Variants in DSN1 observed in about 807,000 individuals in gnomAD.
DSN1 encodes the protein DSN1 component of MIS12 kinetochore complex.
Under a neutral mutation model 45.7 loss-of-function variants are expected in DSN1, and 31 were observed. The observed-to-expected ratio is 0.68, with a 90% CI of 0.51 to 0.92. The LOEUF (loss-of-function observed/expected upper bound fraction) is 0.92. Among genes scored for constraint, DSN1 ranks in the 40% least tolerant of loss-of-function variants. DSN1 has a pLI of 0.00. For missense variants in DSN1, 394 were observed against 414.2 expected, an observed-to-expected ratio of 0.95 and a Z score of 0.42; for synonymous variants, 134 against 142.3, an observed-to-expected ratio of 0.94 and a Z score of 0.41.
chr20:36,770,572 T>C (rs1987591206), intron 3 of DSN1, among the ~76,000 whole-genome samples: 1 of 152,132 alleles, frequency 6.6e-6, no homozygotes, highest in South Asian at 2.1e-4. Context: ...ATAATATAAG[T>C]AGTAAGCCAG....
At chr20:36,764,847 G>A (rs1236108106) in intron 5 of DSN1, among the ~76,000 whole-genome samples, 1 of 151,700 alleles carries the variant, frequency 6.6e-6, no homozygotes, top group Non-Finnish European at 1.5e-5. Context: ...TTGAACCCAG[G>A]AGGTGGAGGT....
At chr20:36,770,036 G>A (rs1987561619) in intron 3 of DSN1, among the ~76,000 whole-genome samples, 1 of 149,418 alleles carries the variant, frequency 6.7e-6, no homozygotes, top group Admixed American at 6.7e-5. Flanking sequence ...TGCAGGGAGG[G>A]AGGAGGGAAG....
chr20:36,765,860 A>AG, intron 5 of DSN1, among the ~76,000 whole-genome samples: 1 of 151,510 alleles, frequency 6.6e-6, no homozygotes, highest in East Asian at 1.9e-4. Context: ...AAAAAAAAAA[A>AG]AAACAAAAAA....
intron 9 of DSN1, 75 bp downstream of exon 9, chr20:36,755,607 C>T: frequency 6.6e-7 from 1 of 1,526,104 alleles, no homozygotes; most frequent in Non-Finnish European, 8.8e-7. Flanking sequence ...TACATTTCTC[C>T]AGGTCTTTTA....
Position 36,762,519 on chromosome 20 carries a change from A to G in DSN1, c.532T>C (p.Phe178Leu). Residue 178 changes from phenylalanine to leucine, a missense_variant, in exon 6 of 11, where the codon TTT becomes CTT. Coordinates refer to ENST00000373750, the MANE Select transcript of DSN1 (RefSeq NM_001145315.2). ...ASSLSEELKHFADGLETDGTL... is the reference protein window; with the variant it reads ...ASSLSEELKHLADGLETDGTL... ...CCATCAGTTTCCAGTCCGTCTGCAA[A>G]ATGTTTCAATTCTTCAGAAAGAGAA... 6.2e-7 allele frequency: 1 copy of G among 1,613,840 alleles called. No individual in the cohort carries two copies. The highest frequency in any genetic ancestry group is 8.5e-7 in the Non-Finnish European group (1 of 1,179,888).
At chr20:36,758,849 G>A (rs976116733) in intron 6 of DSN1, among the ~76,000 whole-genome samples, 13 of 151,490 alleles carry the variant, frequency 8.6e-5, no homozygotes, top group African/African-American at 1.9e-4. Context: ...CACCACGCCC[G>A]GCTAATTTTG....
intron 6 of DSN1, among the ~76,000 whole-genome samples, chr20:36,761,839 C>T (rs375430768): frequency 1.3e-5 from 2 of 151,298 alleles, no homozygotes; most frequent in East Asian, 4.0e-4. Flanking sequence ...CTCCCCCATC[C>T]CTACTAAAAA....
intron 4 of DSN1, among the ~76,000 whole-genome samples, chr20:36,767,167 C>T (rs1157512830): frequency 6.6e-6 from 1 of 151,710 alleles, no homozygotes; most frequent in Admixed American, 6.6e-5. Flanking sequence ...ATTAGCGGGG[C>T]ATGGTGGCGC....
Position 36,767,950 on chromosome 20 carries a change from C to T in DSN1, c.429+19G>A, listed in dbSNP as rs750994643. 1.1e-5 allele frequency: 18 copies of T among 1,612,646 alleles called. 1 individual carries two copies. The South Asian group carries it at 2.0e-4, about 18-fold the overall frequency. ...CAGTTAACAAACACAAAAACATTTC[C>T]TAGTTATAAGAACCTTACCTGGAAA... On this transcript the variant is annotated intron_variant, in intron 4 of 10. Coordinates refer to ENST00000373750, the MANE Select transcript of DSN1 (RefSeq NM_001145315.2).
chr20:36,754,792 TGG>T lies in DSN1; in HGVS notation c.930_931del (p.Gln311ValfsTer49), dbSNP rs1986582739. On this transcript the variant is annotated frameshift_variant, in exon 10 of 11. Coordinates refer to ENST00000373750, the MANE Select transcript of DSN1 (RefSeq NM_001145315.2). LOFTEE classifies it high-confidence loss of function. ...CTGTACTGACACCTTCTGGAAGCAC[TGG>T]GTACTTTCATCCATAAAGGCCTGCA... The T allele has an allele frequency of 6.2e-7, 1 of 1,613,954 alleles. No individual in the cohort carries two copies. The highest frequency in any genetic ancestry group is 1.7e-5 in the Admixed American group (1 of 60,008).
At chr20:36,756,753 G>A (rs774821521) in intron 8 of DSN1, among the ~76,000 whole-genome samples, 1 of 152,208 alleles carries the variant, frequency 6.6e-6, no homozygotes, top group Non-Finnish European at 1.5e-5. Flanking sequence ...AGTCTGAACA[G>A]ACAGTCTGCT....
chr20:36,770,018 G>A (rs897324305), intron 3 of DSN1, among the ~76,000 whole-genome samples: 1 of 149,854 alleles, frequency 6.7e-6, no homozygotes, highest in African/African-American at 2.5e-5. Context: ...GAAGGGAGAG[G>A]GGTGGGGTGC....
chr20:36,752,731 G>C lies in DSN1; in HGVS notation c.*57C>G. 7.1e-6 allele frequency: 10 copies of C among 1,408,366 alleles called. No individual in the cohort carries two copies. The South Asian group carries it at 1.2e-4, about 16-fold the overall frequency. The allele number at this position is 1,408,366 out of a possible 1,614,324, so 87.2% of individuals were successfully genotyped here. A position where few individuals can be genotyped will look rare whatever the true frequency, so the allele number is the denominator to read the frequency against. On this transcript the variant is annotated 3_prime_UTR_variant, in exon 11 of 11. Coordinates refer to ENST00000373750, the MANE Select transcript of DSN1 (RefSeq NM_001145315.2). ...GAAATCACGCAGTCACCACGTGCTG[G>C]GGCACTCTTCCCATTCCTCTCCTCT...
At chr20:36,755,903 T>C in intron 8 of DSN1, 74 bp from the exon 9 acceptor site, 1 of 1,524,600 alleles carries the variant, frequency 6.6e-7, no homozygotes, top group South Asian at 1.2e-5. Flanking sequence ...GATTATCCTA[T>C]AAAGCTGAAT....
intron 6 of DSN1, among the ~76,000 whole-genome samples, chr20:36,761,470 A>G (rs1986977352): frequency 1.3e-5 from 2 of 152,174 alleles, no homozygotes; most frequent in Admixed American, 1.3e-4. Context: ...GTGGGGGCTC[A>G]TGGCTGTAAT....
chr20:36,766,884 C>A, intron 4 of DSN1, 43 bp from the exon 5 acceptor site: 1 of 1,353,080 alleles, frequency 7.4e-7, no homozygotes, highest in Non-Finnish European at 1.0e-6. Context: ...CCAAAAACTT[C>A]CAGGCCAGTC....
chr20:36,756,405 ATACT>A (rs1427864510), intron 8 of DSN1, among the ~76,000 whole-genome samples: 1 of 152,202 alleles, frequency 6.6e-6, no homozygotes, highest in African/African-American at 2.4e-5. Context: ...CAGAAGGACT[ATACT>A]TGGGAGAGAG....
intron 6 of DSN1, among the ~76,000 whole-genome samples, chr20:36,760,867 G>A (rs1986944796): frequency 2.0e-5 from 3 of 152,136 alleles, no homozygotes; most frequent in Admixed American, 6.6e-5. Flanking sequence ...TCCAGCCTGG[G>A]TGACGAGAGC....
chr20:36,764,514 T>C (rs935354341), intron 5 of DSN1, among the ~76,000 whole-genome samples: 2 of 152,162 alleles, frequency 1.3e-5, no homozygotes, highest in African/African-American at 4.8e-5. Flanking sequence ...AATAGGTACT[T>C]CCTAGAAAGT....
Sources: allele counts gnomAD v4.1 joint callset (sites outside exome capture counted in the v4.1 genomes callset), GRCh38; gene constraint gnomAD v4.1.1; transcripts MANE v1.5; gene names NCBI Gene and HGNC (gene_info 2026-07-23, HGNC 2026-07-21).